ZBTB8A: variants seen among roughly 807,000 people sequenced by gnomAD.
ZBTB8A encodes zinc finger and BTB domain-containing protein 8A.
ZBTB8A carries 19 observed loss-of-function variants against 37.8 expected under a neutral mutation model. The observed-to-expected ratio is 0.50, with a 90% CI of 0.35 to 0.74. ZBTB8A has a LOEUF of 0.74. Ranked by LOEUF, ZBTB8A falls within the 30% of genes least tolerant of loss-of-function variation. The pLI is 0.01. For synonymous variants in ZBTB8A, 181 were observed against 185.2 expected, an observed-to-expected ratio of 0.98 and a Z score of 0.19; for missense variants, 394 against 537.8, an observed-to-expected ratio of 0.73 and a Z score of 2.65.
At position 32,593,322 on chromosome 1, in the gene ZBTB8A, C is replaced by T. The variant is rs751110596; in HGVS notation, c.391C>T (p.Arg131Cys). The change falls in exon 3 of 5, where the codon CGC becomes TGC. Residue 131 changes from arginine (R) to cysteine (C), a missense_variant. Transcript: ENST00000373510. ...SLDISEKEKD[R>C]YFSLSDKDAN... is the part of the protein sequence containing the mutation. ...AGACATTAGTGAGAAAGAAAAAGATCGCTATTTCAGTCTCTCAGATAAAGA... is the reference window on the plus strand; with the variant it reads ...AGACATTAGTGAGAAAGAAAAAGATTGCTATTTCAGTCTCTCAGATAAAGA... 3 of 1,614,056 alleles carry T rather than the reference C, an allele frequency of 1.9e-6. No individual in the cohort carries two copies. Among genetic ancestry groups the T allele is most frequent in the Non-Finnish European group, 1.7e-6 (2 of 1,180,008 alleles).
intron 4 of ZBTB8A, among the ~76,000 whole-genome samples, chr1:32,599,285 TGTG>T (rs1307667193): frequency 6.6e-6 from 1 of 150,800 alleles, no homozygotes; most frequent in African/African-American, 2.4e-5. Context: ...ATTAGCCAGG[TGTG>T]GTGGCATGCA....
intron 1 of ZBTB8A, among the ~76,000 whole-genome samples, chr1:32,540,251 C>T (rs763414861): frequency 6.6e-6 from 1 of 152,116 alleles, no homozygotes; most frequent in African/African-American, 2.4e-5. Flanking sequence ...GTTCCCTTCC[C>T]CTTCAGATGC....
chr1:32,572,060 C>T (rs559757138), intron 2 of ZBTB8A, among the ~76,000 whole-genome samples: 2 of 152,178 alleles, frequency 1.3e-5, no homozygotes, highest in East Asian at 1.9e-4. Flanking sequence ...CACACCACCA[C>T]GCCCAGCTAA....
intron 2 of ZBTB8A, among the ~76,000 whole-genome samples, chr1:32,563,444 C>A (rs1466329043): frequency 6.6e-6 from 1 of 152,038 alleles, no homozygotes; most frequent in African/African-American, 2.4e-5. Context: ...GGGCTGACAC[C>A]TTCTTTTTCT....
At chr1:32,599,718 AAAAT>A (rs532896304) in intron 4 of ZBTB8A, among the ~76,000 whole-genome samples, 42 of 151,914 alleles carry the variant, frequency 2.8e-4, no homozygotes, top group African/African-American at 5.5e-4. Context: ...CTCTGTCTCA[AAAAT>A]AAATAAATAA....
intron 2 of ZBTB8A, among the ~76,000 whole-genome samples, chr1:32,576,772 C>G (rs1284489226): frequency 6.6e-6 from 1 of 152,078 alleles, no homozygotes; most frequent in Non-Finnish European, 1.5e-5. Flanking sequence ...ACCATGTTGG[C>G]CAGTTTGATC....
chr1:32,568,809 G>T lies in ZBTB8A; in HGVS notation c.-2+15269G>T, dbSNP rs150936539. 7.4e-3 allele frequency among the ~76,000 whole-genome samples: 1,120 copies of T among 152,230 alleles called. 17 individuals are homozygous for T. Among genetic ancestry groups the T allele is most frequent in the African/African-American group, 0.025 (1,038 of 41,538 alleles). ...ACATCACTGCTTGTATCAGAAGTTT[G>T]TTGGCTCTATTGTTCAGTAGTGTTC... On this transcript the variant is annotated intron_variant, in intron 2 of 4. Transcript: ENST00000373510.
intron 1 of ZBTB8A, among the ~76,000 whole-genome samples, chr1:32,543,267 T>G (rs918990708): frequency 1.3e-5 from 2 of 151,998 alleles, no homozygotes; most frequent in African/African-American, 4.8e-5. Context: ...GTATTTTTAG[T>G]AGAGACGGGG....
At position 32,593,030 on chromosome 1, in the gene ZBTB8A, G is replaced by A; in HGVS notation, c.99G>A (p.Lys33=). 1.2e-6 allele frequency: 2 copies of A among 1,614,128 alleles called. No homozygotes were observed. Among genetic ancestry groups the A allele is most frequent in the Non-Finnish European group, 1.7e-6 (2 of 1,179,998 alleles). ...ACTGCAGTATTCTAGTTGAAGGGAA[G>A]GTCTTCAAAGCACATCGAAATGTAT... is the stretch of plus-strand genomic sequence containing the variant. The part of the protein sequence containing the change: ...FCDCSILVEG[K]VFKAHRNVLF... Residue 33 remains lysine, a synonymous_variant, in exon 3 of 5, where the codon AAG becomes AAA. Transcript: ENST00000373510.
intron 1 of ZBTB8A, among the ~76,000 whole-genome samples, chr1:32,544,159 A>G (rs1022003715): frequency 2.0e-5 from 3 of 152,240 alleles, no homozygotes; most frequent in African/African-American, 7.2e-5. Context: ...AGGTTCACCC[A>G]TGTTGTAGTA....
intron 2 of ZBTB8A, among the ~76,000 whole-genome samples, chr1:32,570,285 C>T (rs1391993565): frequency 6.6e-6 from 1 of 152,154 alleles, no homozygotes; most frequent in African/African-American, 2.4e-5. Context: ...ATGTGCCTGT[C>T]TTACTGCCAA....
At chr1:32,567,049 C>A (rs967622167) in intron 2 of ZBTB8A, among the ~76,000 whole-genome samples, 1 of 152,090 alleles carries the variant, frequency 6.6e-6, no homozygotes, top group African/African-American at 2.4e-5. Flanking sequence ...TAAAGAACTC[C>A]CTAAGACTGT....
rs1488506964 is a variant in ZBTB8A, at chr1:32,601,048, A to G, written c.*629A>G. On this transcript the variant is annotated 3_prime_UTR_variant, in exon 5 of 5. Coordinates refer to ENST00000373510, the MANE Select transcript of ZBTB8A (RefSeq NM_001040441.3). ...CATTAGCTTAAAAATTACTCTCAGT[A>G]TTGTTAAAAAAAAAAAAAAGTAGAG... 1 of 150,592 alleles carries G rather than the reference A, an allele frequency of 6.6e-6. No homozygotes were observed. The highest frequency in any genetic ancestry group is 1.5e-5 in the Non-Finnish European group (1 of 67,608). The allele number at this position is 150,592 out of a possible 1,614,324, so 9.3% of individuals were successfully genotyped here. A position where few individuals can be genotyped will look rare whatever the true frequency, so the allele number is the denominator to read the frequency against.
chr1:32,574,407 G>A (rs1336154563), intron 2 of ZBTB8A, among the ~76,000 whole-genome samples: 1 of 152,036 alleles, frequency 6.6e-6, no homozygotes, highest in East Asian at 1.9e-4. Flanking sequence ...ACCAGCCTGG[G>A]CAATGTAGGC....
rs1332065421 is a variant in ZBTB8A at position 32,592,656 on chromosome 1, G to A, written c.-1-275G>A. ...TGAGTAGCTGGGATTACAGGCACCC[G>A]CCACCACGCCCAGCTAATTTTTGTA... On this transcript the variant is annotated intron_variant, in intron 2 of 4. Coordinates refer to ENST00000373510, the MANE Select transcript of ZBTB8A (RefSeq NM_001040441.3). 2.6e-5 allele frequency among the ~76,000 whole-genome samples: 4 copies of A among 151,606 alleles called. No homozygotes were observed. The South Asian group carries it at 8.3e-4, about 32-fold the overall frequency.
intron 2 of ZBTB8A, among the ~76,000 whole-genome samples, chr1:32,575,691 A>AT (rs1644354493): frequency 2.0e-5 from 3 of 150,598 alleles, no homozygotes; most frequent in South Asian, 4.2e-4. Context: ...TCTGCAAAAA[A>AT]TTAAAAAAAA....
intron 1 of ZBTB8A, among the ~76,000 whole-genome samples, chr1:32,541,174 G>A (rs1004371382): frequency 6.6e-6 from 1 of 152,148 alleles, no homozygotes; most frequent in Non-Finnish European, 1.5e-5. Context: ...TGAAGCTTTT[G>A]CCACTTTTCT....
At chr1:32,589,211 G>C (rs888688062) in intron 2 of ZBTB8A, among the ~76,000 whole-genome samples, 1 of 152,060 alleles carries the variant, frequency 6.6e-6, no homozygotes, top group African/African-American at 2.4e-5. Flanking sequence ...ACAGAGTCTT[G>C]TTGTGTCACC....
intron 2 of ZBTB8A, among the ~76,000 whole-genome samples, chr1:32,559,652 A>G (rs544596900): frequency 6.6e-6 from 1 of 151,762 alleles, no homozygotes; most frequent in East Asian, 2.0e-4. Flanking sequence ...TTTTGTAGTA[A>G]TGGGGTTTCG....
Sources: allele counts gnomAD v4.1 joint callset (sites outside exome capture counted in the v4.1 genomes callset), GRCh38; gene constraint gnomAD v4.1.1; transcripts MANE v1.5; gene names NCBI Gene and HGNC (gene_info 2026-07-23, HGNC 2026-07-21).